ZNF18: variants seen among roughly 807,000 people sequenced by gnomAD.
ZNF18 encodes zinc finger protein 18.
A neutral mutation model predicts 58.1 loss-of-function variants in ZNF18; 42 were observed. That is an observed-to-expected ratio of 0.72 (90% confidence interval 0.56 to 0.93). The LOEUF is 0.93. ZNF18 is among the 40% of genes least tolerant of loss of function. The pLI is 0.00. For missense variants in ZNF18, 540 were observed against 644.2 expected, an observed-to-expected ratio of 0.84 and a Z score of 1.75; for synonymous variants, 231 against 239.8, an observed-to-expected ratio of 0.96 and a Z score of 0.34.
intron 1 of ZNF18, chr17:11,997,175 C>T (rs1160963999): frequency 6.6e-6 from 1 of 152,502 alleles, no homozygotes; most frequent in African/African-American, 2.4e-5. Context: ...GCCGGTCCCG[C>T]GGGGCGCAGA....
chr17:12,008,816 TC>T, the ZNF18 span, among the ~76,000 whole-genome samples: 1 of 152,342 alleles, frequency 6.6e-6, no homozygotes, highest in East Asian at 1.9e-4. Context: ...GAACTGTTGT[TC>T]CCCACAAGAT....
Position 11,983,984 on chromosome 17 carries a change from C to A in ZNF18, c.751+129G>T, listed in dbSNP as rs557569943. On this transcript the variant is annotated intron_variant, in intron 5 of 6. Transcript: ENST00000580306. ...AGCTCCAACTTGCCCCAGTTCCCAA[C>A]TGTGTCCCTAACGATTTCTTTCACC... 1.1e-4 allele frequency: 80 copies of A among 748,918 alleles called. No homozygotes were observed. In the East Asian group the frequency reaches 2.2e-3, roughly 21 times the overall value. The allele number at this position is 748,918 out of a possible 1,614,324, so 46.4% of individuals were successfully genotyped here. A position where few individuals can be genotyped will look rare whatever the true frequency, so the allele number is the denominator to read the frequency against.
the ZNF18 span, among the ~76,000 whole-genome samples, chr17:12,002,733 T>A: frequency 6.6e-6 from 1 of 152,338 alleles, no homozygotes; most frequent in African/African-American, 2.4e-5. Context: ...CTGTGAGAAC[T>A]TGAAATGAAT....
chr17:11,981,862 T>A (rs1396094251), intron 6 of ZNF18, among the ~76,000 whole-genome samples: 2 of 152,096 alleles, frequency 1.3e-5, no homozygotes, highest in Non-Finnish European at 2.9e-5. Context: ...CACTATAAGT[T>A]CTATGGACTA....
At chr17:12,008,122 T>C in the ZNF18 span, among the ~76,000 whole-genome samples, 48 of 152,156 alleles carry the variant, frequency 3.2e-4, 1 homozygote, top group Admixed American at 3.0e-3. Flanking sequence ...AAACCCCATC[T>C]TGGAAGAGGC....
chr17:11,991,666 AAAG>A (rs1968137203), intron 2 of ZNF18, among the ~76,000 whole-genome samples: 1 of 152,124 alleles, frequency 6.6e-6, no homozygotes. Flanking sequence ...GGGACAGGTG[AAAG>A]AAGAGTCTTT....
the ZNF18 span, chr17:12,020,990 G>C: frequency 8.3e-7 from 1 of 1,210,998 alleles, no homozygotes; most frequent in East Asian, 3.3e-5. Context: ...CCGGCCGTCA[G>C]CAGCATGCAG....
chr17:11,995,075 G>GT (rs1028251276), intron 1 of ZNF18, among the ~76,000 whole-genome samples: 1 of 151,990 alleles, frequency 6.6e-6, no homozygotes, highest in Non-Finnish European at 1.5e-5. Flanking sequence ...AATACCAAAT[G>GT]TTTTTTATGT....
At chr17:12,004,887 C>CA in the ZNF18 span, among the ~76,000 whole-genome samples, 5,170 of 55,406 alleles carry the variant, frequency 0.093, 376 homozygotes, top group African/African-American at 0.26. Context: ...AACTCCATCT[C>CA]AAAAAAAAAA....
At chr17:12,019,890 T>C in the ZNF18 span, among the ~76,000 whole-genome samples, 4 of 152,358 alleles carry the variant, frequency 2.6e-5, 1 homozygote, top group South Asian at 6.2e-4. Flanking sequence ...GTAGGATAAC[T>C]GGCTATTCCA....
upstream of ZNF18, among the ~76,000 whole-genome samples, chr17:12,001,952 T>C (rs1348719196): frequency 6.6e-6 from 1 of 151,674 alleles, no homozygotes; most frequent in Non-Finnish European, 1.5e-5. Flanking sequence ...AAAATAAAAA[T>C]TCTGAGTTGT....
the ZNF18 span, chr17:12,020,845 A>T: frequency 4.2e-6 from 4 of 957,090 alleles, no homozygotes; most frequent in Non-Finnish European, 5.4e-6. Context: ...AGCTTGCTGC[A>T]TTGCAGCCGC....
chr17:12,015,689 G>A, the ZNF18 span, among the ~76,000 whole-genome samples: 1 of 151,736 alleles, frequency 6.6e-6, no homozygotes, highest in South Asian at 2.1e-4. Context: ...TATCCCTCTC[G>A]CCTATCATTC....
the ZNF18 span, chr17:12,021,320 T>A: frequency 5.7e-6 from 1 of 176,020 alleles, no homozygotes; most frequent in South Asian, 2.0e-4. Flanking sequence ...CCCCGCCGCT[T>A]ACCTGGCGCC....
At chr17:11,997,226 C>G (rs1022968128) in intron 1 of ZNF18, 2 of 152,558 alleles carry the variant, frequency 1.3e-5, no homozygotes, top group African/African-American at 4.8e-5. Flanking sequence ...CACACATCCC[C>G]CCGCACCCAC....
At chr17:11,985,662 A>AG (rs1967689478) in intron 4 of ZNF18, among the ~76,000 whole-genome samples, 1 of 152,198 alleles carries the variant, frequency 6.6e-6, no homozygotes, top group Non-Finnish European at 1.5e-5. Flanking sequence ...CATCCTCTCC[A>AG]TTGTATAATA....
the ZNF18 span, among the ~76,000 whole-genome samples, chr17:12,009,678 CCT>C: frequency 1.3e-5 from 2 of 152,004 alleles, no homozygotes; most frequent in South Asian, 2.1e-4. Context: ...GTGTCGAACC[CCT>C]GACCTTAAGT....
intron 6 of ZNF18, among the ~76,000 whole-genome samples, chr17:11,979,975 C>A (rs1860089): frequency 1.3e-5 from 2 of 152,048 alleles, no homozygotes; most frequent in East Asian, 1.9e-4. Flanking sequence ...TGTGTTTTTG[C>A]GACTACAAAT....
chr17:11,984,010 TG>T, intron 5 of ZNF18, 102 bp downstream of exon 5: 1 of 1,048,726 alleles, frequency 9.5e-7, no homozygotes, highest in Non-Finnish European at 1.4e-6. Flanking sequence ...TTCTTTCACC[TG>T]GCGATTTTCA....
Sources: gnomAD v4.1 joint callset for allele counts (sites outside exome capture counted in the v4.1 genomes callset) on GRCh38, gnomAD v4.1.1 for gene constraint, MANE v1.5 for transcripts, NCBI Gene and HGNC (gene_info 2026-07-23, HGNC 2026-07-21) for gene names.